Variants in RNLS observed in about 807,000 individuals in gnomAD.
RNLS encodes the protein renalase, FAD dependent amine oxidase, also known as renalase.
In RNLS, 39 loss-of-function variants were observed where a neutral mutation model predicts 39.8. The ratio of observed to expected loss-of-function variants is 0.98; its 90% CI spans 0.76 to 1.28. RNLS has a LOEUF of 1.28. RNLS is among the 50% of genes most tolerant of loss of function. The pLI is 0.00. For missense variants in RNLS, 410 were observed against 413.3 expected, an observed-to-expected ratio of 0.99 and a Z score of 0.07; for synonymous variants, 147 against 150.7, an observed-to-expected ratio of 0.98 and a Z score of 0.18.
At position 88,302,870 on chromosome 10, in the gene RNLS, G is replaced by C. The variant is rs545676816; in HGVS notation, c.876+11596C>G. On this transcript the variant is annotated intron_variant, in intron 6 of 6. Transcript: ENST00000331772. Reference sequence around the variant, plus strand: ...GGGTAATAGAAAAATGCAGGGAGAGGGGGGAGGCAAGATGGCTGACTAGAT... The same window carrying C: ...GGGTAATAGAAAAATGCAGGGAGAGCGGGGAGGCAAGATGGCTGACTAGAT... Among the ~76,000 whole-genome samples, 17 of 152,192 alleles carry C rather than the reference G, an allele frequency of 1.1e-4. No individual in the cohort carries two copies. The South Asian group carries it at 3.3e-3, about 30-fold the overall frequency.
At chr10:88,303,646 C>A (rs1034437748) in intron 6 of RNLS, among the ~76,000 whole-genome samples, 9 of 152,194 alleles carry the variant, frequency 5.9e-5, no homozygotes, top group African/African-American at 2.2e-4. Context: ...GTGGGTTTTG[C>A]AGTCCGCCCA....
intron 4 of RNLS, among the ~76,000 whole-genome samples, chr10:88,529,056 T>C (rs1847272170): frequency 6.6e-6 from 1 of 152,154 alleles, no homozygotes. Flanking sequence ...GGCACTGTTA[T>C]TTGAGTGGAT....
the RNLS span, among the ~76,000 whole-genome samples, chr10:88,205,640 G>C: frequency 1.3e-5 from 2 of 152,140 alleles, no homozygotes; most frequent in Non-Finnish European, 2.9e-5. Context: ...AATCAAAAAG[G>C]TCTGGTCCCA....
intron 6 of RNLS, among the ~76,000 whole-genome samples, chr10:88,310,101 C>T (rs561046326): frequency 1.3e-5 from 2 of 152,056 alleles, no homozygotes; most frequent in East Asian, 3.9e-4. Flanking sequence ...CCTGTAGCCC[C>T]AGCTACTTGG....
At chr10:88,419,545 C>T (rs1322340581) in intron 4 of RNLS, among the ~76,000 whole-genome samples, 1 of 152,102 alleles carries the variant, frequency 6.6e-6, no homozygotes, top group East Asian at 1.9e-4. Context: ...GGTTTAATTC[C>T]TGTTTCTTTT....
intron 4 of RNLS, among the ~76,000 whole-genome samples, chr10:88,483,205 A>G (rs965224426): frequency 6.6e-6 from 1 of 152,164 alleles, no homozygotes; most frequent in Non-Finnish European, 1.5e-5. Flanking sequence ...GATAAAGTTT[A>G]TCAGATTATC....
At chr10:88,208,758 T>G in the RNLS span, among the ~76,000 whole-genome samples, 1 of 152,050 alleles carries the variant, frequency 6.6e-6, no homozygotes, top group African/African-American at 2.4e-5. Flanking sequence ...ACTACACAAA[T>G]CTTGGAGAGT....
At chr10:88,184,404 A>G in the RNLS span, among the ~76,000 whole-genome samples, 36 of 152,182 alleles carry the variant, frequency 2.4e-4, no homozygotes, top group African/African-American at 7.0e-4. Context: ...AAGTTCTTCA[A>G]TGGGTGTTTA....
chr10:88,172,290 A>T, the RNLS span, among the ~76,000 whole-genome samples: 9 of 152,192 alleles, frequency 5.9e-5, no homozygotes, highest in African/African-American at 2.2e-4. Context: ...TATTCATACC[A>T]ACAATGTGTA....
the RNLS span, among the ~76,000 whole-genome samples, chr10:88,201,850 A>G: frequency 6.6e-6 from 1 of 152,178 alleles, no homozygotes; most frequent in Non-Finnish European, 1.5e-5. Context: ...TACTTGTCTT[A>G]CAGCTAGGGC....
At chr10:88,427,409 C>T (rs1312897929) in intron 4 of RNLS, among the ~76,000 whole-genome samples, 1 of 151,998 alleles carries the variant, frequency 6.6e-6, no homozygotes, top group Non-Finnish European at 1.5e-5. Context: ...TCTCTGCCTC[C>T]ATCCAAGGGT....
At position 88,517,720 on chromosome 10, in the gene RNLS, A is replaced by C. The variant is rs1208872979; in HGVS notation, c.526+55183T>G. ...AACTTCTCATAAACACAAATGCCTG[A>C]AGGCCTAAATTACTTATAAAAAGTG... is the stretch of plus-strand genomic sequence containing the variant. On this transcript the variant is annotated intron_variant, in intron 4 of 6. Coordinates refer to ENST00000331772, the MANE Select transcript of RNLS (RefSeq NM_001031709.3). 3.9e-5 allele frequency among the ~76,000 whole-genome samples: 6 copies of C among 152,016 alleles called. No individual in the cohort carries two copies. The East Asian group carries it at 7.7e-4, about 20-fold the overall frequency.
At chr10:88,329,002 T>G (rs184964495) in intron 5 of RNLS, among the ~76,000 whole-genome samples, 2 of 152,160 alleles carry the variant, frequency 1.3e-5, no homozygotes, top group African/African-American at 4.8e-5. Context: ...TGAAAATATT[T>G]TTCTCAAGAC....
At chr10:88,427,172 T>A (rs1449577555) in intron 4 of RNLS, among the ~76,000 whole-genome samples, 2 of 152,034 alleles carry the variant, frequency 1.3e-5, no homozygotes, top group African/African-American at 4.8e-5. Flanking sequence ...CAAGGACTAG[T>A]GCGTCTAATC....
At chr10:88,277,383 C>T (rs1157089007) in intron 6 of RNLS, among the ~76,000 whole-genome samples, 2 of 151,862 alleles carry the variant, frequency 1.3e-5, no homozygotes, top group Admixed American at 6.6e-5. Context: ...ATGTGGATGA[C>T]GAGTTGATGG....
At chr10:88,460,066 C>T (rs556438577) in intron 4 of RNLS, among the ~76,000 whole-genome samples, 5 of 152,118 alleles carry the variant, frequency 3.3e-5, no homozygotes, top group African/African-American at 1.2e-4. Context: ...TTATTTAATC[C>T]TCGTGAGATC....
At chr10:88,298,303 T>C (rs1844238549) in intron 6 of RNLS, among the ~76,000 whole-genome samples, 1 of 152,208 alleles carries the variant, frequency 6.6e-6, no homozygotes, top group Non-Finnish European at 1.5e-5. Flanking sequence ...ACTGTTTTGA[T>C]AATACTTTGA....
the RNLS span, among the ~76,000 whole-genome samples, chr10:88,267,723 C>T: frequency 6.6e-6 from 1 of 152,148 alleles, no homozygotes; most frequent in Non-Finnish European, 1.5e-5. Flanking sequence ...CAGACCTTCC[C>T]ATTTTGAGTT....
intron 4 of RNLS, among the ~76,000 whole-genome samples, chr10:88,551,751 C>T (rs866251464): frequency 2.6e-5 from 4 of 151,164 alleles, no homozygotes; most frequent in Middle Eastern, 3.6e-3. Context: ...GGTAGTTTTG[C>T]AGGGTTAGAA....
Sources: gnomAD v4.1 joint callset for allele counts (sites outside exome capture counted in the v4.1 genomes callset) on GRCh38, gnomAD v4.1.1 for gene constraint, MANE v1.5 for transcripts, NCBI Gene and HGNC (gene_info 2026-07-23, HGNC 2026-07-21) for gene names.